The following GPHN variants were observed in gnomAD, a reference collection of about 807,000 sequenced individuals.
GPHN encodes the protein gephyrin.
GPHN carries 17 observed loss-of-function variants against 95.5 expected under a neutral mutation model. That is an observed-to-expected ratio of 0.18 (90% confidence interval 0.12 to 0.27). The LOEUF is 0.27. Among genes scored for constraint, GPHN ranks in the 10% least tolerant of loss-of-function variants. The pLI is 1.00. For synonymous variants in GPHN, 320 were observed against 322.5 expected (o/e 0.99, Z 0.08); for missense variants, 660 against 978.1 (o/e 0.67, Z 4.34).
At chr14:67,602,999 C>T in the GPHN span, among the ~76,000 whole-genome samples, 1 of 152,148 alleles carries the variant, frequency 6.6e-6, no homozygotes, top group African/African-American at 2.4e-5. Context: ...GCCAAACTTC[C>T]AGAGGGTCTA....
chr14:67,462,813 G>C, the GPHN span, among the ~76,000 whole-genome samples: 2 of 152,256 alleles, frequency 1.3e-5, no homozygotes, highest in Non-Finnish European at 2.9e-5. Context: ...TCAAGGGAAA[G>C]AGGTTGAGTA....
chr14:66,736,572 G>T (rs1026608794), intron 2 of GPHN, among the ~76,000 whole-genome samples: 1 of 151,334 alleles, frequency 6.6e-6, no homozygotes, highest in Non-Finnish European at 1.5e-5. Context: ...CTAATTTTTT[G>T]TATTTTTAGT....
chr14:67,152,651 A>AT (rs536253803), intron 18 of GPHN, among the ~76,000 whole-genome samples: 51 of 152,306 alleles, frequency 3.3e-4, no homozygotes, highest in African/African-American at 1.2e-3. Flanking sequence ...GGCAGAATTC[A>AT]TTTGCATTTC....
the GPHN span, among the ~76,000 whole-genome samples, chr14:67,702,836 C>G: frequency 2.6e-5 from 4 of 152,092 alleles, no homozygotes; most frequent in Non-Finnish European, 5.9e-5. Flanking sequence ...TCTTTTGAAA[C>G]AGGGCCTCAC....
chr14:67,300,566 G>A, the GPHN span, among the ~76,000 whole-genome samples: 1 of 152,120 alleles, frequency 6.6e-6, no homozygotes, highest in South Asian at 2.1e-4. Context: ...GACCTCAAGT[G>A]ATCTGCCTGC....
the GPHN span, among the ~76,000 whole-genome samples, chr14:67,226,384 C>A: frequency 3.0e-4 from 45 of 148,048 alleles, no homozygotes; most frequent in Non-Finnish European, 4.9e-4. Flanking sequence ...TTTTTTGAGA[C>A]GGAGTCTCGC....
the GPHN span, chr14:67,199,136 T>A: frequency 2.7e-6 from 4 of 1,478,384 alleles, no homozygotes; most frequent in Non-Finnish European, 3.8e-6. Context: ...AGAAGGTTAG[T>A]GAACCGCTAC....
Position 66,685,436 on chromosome 14 carries a change from T to C in GPHN, c.143+4251T>C, listed in dbSNP as rs553783266. On this transcript the variant is annotated intron_variant, in intron 2 of 22. Transcript: ENST00000478722. ...TGTTATTTCCTGACTTTTTAATGAT[T>C]GCCATTCTAACTGGTGTGAGATGGT... 7.5e-4 allele frequency among the ~76,000 whole-genome samples: 114 copies of C among 152,292 alleles called. 1 individual carries two copies. In the East Asian group the frequency reaches 0.02, roughly 26 times the overall value.
chr14:67,406,380 A>C, the GPHN span, among the ~76,000 whole-genome samples: 1 of 152,180 alleles, frequency 6.6e-6, no homozygotes, highest in African/African-American at 2.4e-5. Flanking sequence ...GGTTAGGTAC[A>C]TTCCCAGGAG....
At chr14:67,434,960 TTCTC>T in the GPHN span, among the ~76,000 whole-genome samples, 2 of 147,684 alleles carry the variant, frequency 1.4e-5, no homozygotes, top group Non-Finnish European at 3.0e-5. Flanking sequence ...TCTCTTCCTC[TTCTC>T]TCTCTCTTTT....
At chr14:67,113,498 C>T (rs1340206493) in intron 16 of GPHN, among the ~76,000 whole-genome samples, 1 of 152,182 alleles carries the variant, frequency 6.6e-6, no homozygotes, top group Non-Finnish European at 1.5e-5. Context: ...TATACAAACT[C>T]AGTACTGTTT....
the GPHN span, chr14:67,674,388 C>T: frequency 5.0e-3 from 8,062 of 1,600,244 alleles, 389 homozygotes; most frequent in African/African-American, 0.097. Context: ...TCCCCGCCGT[C>T]CCCAGCAGCC....
At chr14:66,740,075 A>G (rs1364942614) in intron 2 of GPHN, among the ~76,000 whole-genome samples, 4 of 152,206 alleles carry the variant, frequency 2.6e-5, no homozygotes, top group Non-Finnish European at 2.9e-5. Flanking sequence ...AATTTATCAC[A>G]AAGAGCAAAA....
At chr14:67,429,619 C>T in the GPHN span, among the ~76,000 whole-genome samples, 1 of 151,896 alleles carries the variant, frequency 6.6e-6, no homozygotes, top group Non-Finnish European at 1.5e-5. Flanking sequence ...ACCTGTAATC[C>T]CAGCTACTCA....
chr14:67,569,516 C>T, the GPHN span, among the ~76,000 whole-genome samples: 4 of 152,202 alleles, frequency 2.6e-5, no homozygotes, highest in African/African-American at 4.8e-5. Context: ...GTGCCAGGGC[C>T]GTGGGTGGGA....
intron 2 of GPHN, among the ~76,000 whole-genome samples, chr14:66,715,282 C>T (rs559999967): frequency 1.3e-5 from 2 of 152,080 alleles, no homozygotes; most frequent in South Asian, 2.1e-4. Flanking sequence ...TCCGTAGTAG[C>T]CTTGAATGAT....
At chr14:67,446,076 C>G in the GPHN span, 1 of 515,312 alleles carries the variant, frequency 1.9e-6, no homozygotes, top group Non-Finnish European at 3.9e-6. Flanking sequence ...AATATACAAA[C>G]TCTCCCAGCT....
At chr14:67,083,718 G>T (rs2076779516) in intron 11 of GPHN, among the ~76,000 whole-genome samples, 1 of 152,140 alleles carries the variant, frequency 6.6e-6, no homozygotes, top group South Asian at 2.1e-4. Flanking sequence ...ATGTAGACTG[G>T]CAGCAAAAAG....
At position 67,004,002 on chromosome 14, in the gene GPHN, G is replaced by A. The variant is rs554403665; in HGVS notation, c.964-19631G>A. The stretch of plus-strand genomic sequence containing the variant: ...CATTTCTCTTTGCCCCAGTTTACCC[G>A]TCTCTAAAATTTGAATAAACTAGAC... On this transcript the variant is annotated intron_variant, in intron 9 of 22. Transcript: ENST00000478722. 7.3e-5 allele frequency among the ~76,000 whole-genome samples: 11 copies of A among 151,604 alleles called. No individual in the cohort carries two copies. The South Asian group carries it at 8.3e-4, about 11-fold the overall frequency.
Sources: allele counts gnomAD v4.1 joint callset (sites outside exome capture counted in the v4.1 genomes callset), GRCh38; gene constraint gnomAD v4.1.1; transcripts MANE v1.5; gene names NCBI Gene and HGNC (gene_info 2026-07-23, HGNC 2026-07-21).